Variants in TTC3 observed in about 807,000 individuals in gnomAD.
TTC3 encodes E3 ubiquitin-protein ligase TTC3.
TTC3 carries 180 observed loss-of-function variants against 249.6 expected under a neutral mutation model. The ratio of observed to expected loss-of-function variants is 0.72; its 90% CI spans 0.64 to 0.82. TTC3 has a LOEUF of 0.82. Among genes scored for constraint, TTC3 ranks in the 40% least tolerant of loss-of-function variants. The pLI, the probability that TTC3 is intolerant of heterozygous loss-of-function variation, is 0.00. For synonymous variants in TTC3, 717 were observed against 805.0 expected, an observed-to-expected ratio of 0.89 and a Z score of 1.85; for missense variants, 2,061 against 2,398.4, an observed-to-expected ratio of 0.86 and a Z score of 2.94.
intron 1 of TTC3, among the ~76,000 whole-genome samples, chr21:37,084,717 G>A (rs1322600933): frequency 2.0e-5 from 3 of 152,170 alleles, no homozygotes; most frequent in Admixed American, 6.5e-5. Context: ...ATACAAGGCC[G>A]GGTGCGGTGG....
At chr21:37,119,985 T>C (rs2147860737) in intron 11 of TTC3, among the ~76,000 whole-genome samples, 1 of 152,328 alleles carries the variant, frequency 6.6e-6, no homozygotes. Context: ...CTGATTCTGA[T>C]TGAGTCATGT....
intron 1 of TTC3, among the ~76,000 whole-genome samples, chr21:37,077,284 G>T (rs1399874889): frequency 6.6e-6 from 1 of 151,664 alleles, no homozygotes; most frequent in East Asian, 1.9e-4. Flanking sequence ...ATGGGTAAAG[G>T]GTATGCAATT....
intron 35 of TTC3, among the ~76,000 whole-genome samples, chr21:37,180,746 A>G (rs2082684328): frequency 8.2e-6 from 1 of 122,202 alleles, no homozygotes; most frequent in African/African-American, 3.3e-5. Flanking sequence ...TGTACCCTAA[A>G]ACTTAAAGTA....
intron 35 of TTC3, among the ~76,000 whole-genome samples, chr21:37,173,325 T>C (rs1159972496): frequency 2.0e-5 from 3 of 152,218 alleles, no homozygotes; most frequent in Non-Finnish European, 4.4e-5. Context: ...ATCTTCATCT[T>C]ACTCCTAAGG....
intron 17 of TTC3, 131 bp from the exon 18 acceptor site, chr21:37,135,249 T>A: frequency 1.0e-6 from 1 of 966,584 alleles, no homozygotes; most frequent in African/African-American, 1.7e-5. Context: ...ATATGATGAA[T>A]AAGGGTAGTT....
chr21:37,121,822 T>C (rs368227110), exon 12 of TTC3: 2 of 1,585,832 alleles, frequency 1.3e-6, no homozygotes, highest in African/African-American at 2.7e-5. Context: ...AACAGGGTCA[T>C]TATCGTTATT....
chr21:37,149,380 C>T (rs1215691033), intron 23 of TTC3, among the ~76,000 whole-genome samples: 1 of 147,894 alleles, frequency 6.8e-6, no homozygotes, highest in Non-Finnish European at 1.5e-5. Context: ...TAAATTCTCA[C>T]ATTTTGTACA....
intron 19 of TTC3, among the ~76,000 whole-genome samples, chr21:37,140,193 A>G (rs117397071): frequency 1.8e-3 from 279 of 151,774 alleles, no homozygotes; most frequent in Non-Finnish European, 2.9e-3. Context: ...AGCACTTAAT[A>G]GGATCTATGT....
chr21:37,113,003 A>G (rs149341288), intron 11 of TTC3, among the ~76,000 whole-genome samples: 29 of 152,350 alleles, frequency 1.9e-4, no homozygotes, highest in African/African-American at 6.5e-4. Flanking sequence ...GCTTCATGCT[A>G]AAAACTCTCA....
chr21:37,184,627 C>CAAT (rs1555912537), intron 36 of TTC3, among the ~76,000 whole-genome samples: 2 of 72,092 alleles, frequency 2.8e-5, no homozygotes, highest in African/African-American at 1.2e-4. Context: ...ACTAATTTTT[C>CAAT]TATTTTTTTT....
intron 20 of TTC3, among the ~76,000 whole-genome samples, chr21:37,142,263 G>T (rs1280604522): frequency 2.0e-5 from 3 of 152,186 alleles, no homozygotes; most frequent in African/African-American, 7.2e-5. Context: ...CAATCAGGCA[G>T]GGGAAAGAAA....
chr21:37,083,406 A>G (rs919798811), intron 1 of TTC3: 1 of 985,364 alleles, frequency 1.0e-6, no homozygotes, highest in African/African-American at 1.7e-5. Flanking sequence ...GTTTTAGAGG[A>G]TGCCAAGATT....
rs554494018 is a variant in TTC3 at position 37,155,553 on chromosome 21, G to A, written c.2741-1102G>A. ...CTCTGCAAGCTAACTCTTTAATCCA[G>A]AAGCAAGCAGTCTAGGATAATTTTG... On this transcript the variant is annotated intron_variant, in intron 27 of 45. Coordinates refer to ENST00000355666, the Ensembl canonical transcript of TTC3. Among the ~76,000 whole-genome samples, 5 of 152,302 alleles carry A rather than the reference G, an allele frequency of 3.3e-5. No individual in the cohort carries two copies. The South Asian group carries it at 1.0e-3, about 32-fold the overall frequency.
At chr21:37,090,467 C>CT (rs138757481) in intron 6 of TTC3, 181 bp downstream of exon 6, 19,117 of 526,446 alleles carry the variant, frequency 0.036, 7 homozygotes, top group Middle Eastern at 0.057. Context: ...CATTTTCTCT[C>CT]TTTTTTTTTT....
At chr21:37,087,379 C>G in exon 2 of TTC3, 1 of 1,613,926 alleles carries the variant, frequency 6.2e-7, no homozygotes, top group Non-Finnish European at 8.5e-7. Context: ...GTTCGTGTGA[C>G]TCAGCTTTAC....
At chr21:37,167,748 A>G (rs2081377183) in intron 34 of TTC3, 128 bp downstream of exon 34, 2 of 526,114 alleles carry the variant, frequency 3.8e-6, no homozygotes, top group Non-Finnish European at 6.1e-6. Flanking sequence ...TAAGCTTGAG[A>G]ACATAACAAA....
chr21:37,162,043 C>T (rs779743825), exon 31 of TTC3: 13 of 1,585,400 alleles, frequency 8.2e-6, no homozygotes, highest in Non-Finnish European at 8.6e-7. Context: ...ATGAGATCAT[C>T]ACTTCAAGTG....
At chr21:37,148,064 A>T (rs906198995) in intron 22 of TTC3, among the ~76,000 whole-genome samples, 2 of 152,120 alleles carry the variant, frequency 1.3e-5, no homozygotes, top group Admixed American at 6.5e-5. Context: ...TCACATGGGA[A>T]CCAGAGCCAC....
chr21:37,098,626 C>T (rs2074180775), intron 10 of TTC3: 1 of 152,148 alleles, frequency 6.6e-6, no homozygotes. Context: ...TATTGGATGC[C>T]TATTTTATTC....
Sources: gnomAD v4.1 joint callset for allele counts (sites outside exome capture counted in the v4.1 genomes callset) on GRCh38, gnomAD v4.1.1 for gene constraint, MANE v1.5 for transcripts, NCBI Gene and HGNC (gene_info 2026-07-23, HGNC 2026-07-21) for gene names.